RFC3: variants seen among roughly 807,000 people sequenced by gnomAD.
RFC3 encodes A1 38 kDa subunit.
In RFC3, 41 loss-of-function variants were observed where a neutral mutation model predicts 45.1. The ratio of observed to expected loss-of-function variants is 0.91; its 90% confidence interval spans 0.71 to 1.18. The LOEUF (loss-of-function observed/expected upper bound fraction) is 1.18, where lower values mean the gene tolerates loss of function less well. Among genes scored for constraint, RFC3 ranks in the 50% most tolerant of loss-of-function variants. The pLI is 0.00. For synonymous variants in RFC3, 149 were observed against 144.0 expected (o/e 1.03, Z -0.25); for missense variants, 423 against 428.1 (o/e 0.99, Z 0.10).
intron 7 of RFC3, among the ~76,000 whole-genome samples, chr13:33,832,012 A>G (rs2082109592): frequency 6.6e-6 from 1 of 152,204 alleles, no homozygotes; most frequent in Admixed American, 6.5e-5. Context: ...ATTTTTTGAC[A>G]CATTTGCTCA....
intron 3 of RFC3, among the ~76,000 whole-genome samples, chr13:33,824,839 A>G (rs1461821865): frequency 2.0e-4 from 30 of 152,190 alleles, no homozygotes; most frequent in Admixed American, 2.0e-3. Flanking sequence ...TCTCAAAGAA[A>G]ACTAAGAGAA....
intron 1 of RFC3, among the ~76,000 whole-genome samples, chr13:33,819,190 C>T (rs891998823): frequency 6.6e-6 from 1 of 152,188 alleles, no homozygotes; most frequent in African/African-American, 2.4e-5. Context: ...CCGTGCGTGG[C>T]TGAGATTAGA....
chr13:33,921,250 G>A (rs1215790110), intron 8 of RFC3, among the ~76,000 whole-genome samples: 1 of 152,110 alleles, frequency 6.6e-6, no homozygotes, highest in East Asian at 1.9e-4. Context: ...CTATGGCAGC[G>A]GCTAAGTGCT....
chr13:33,837,576 T>C (rs1314317103), downstream of RFC3: 1 of 152,110 alleles, frequency 6.6e-6, no homozygotes, highest in Non-Finnish European at 1.5e-5. Context: ...GGGCATACAA[T>C]ATTGTAAACA....
intron 8 of RFC3, among the ~76,000 whole-genome samples, chr13:33,914,217 A>C (rs1355128875): frequency 6.6e-6 from 1 of 152,098 alleles, no homozygotes; most frequent in Admixed American, 6.6e-5. Flanking sequence ...TTGTTGAGTC[A>C]AGTTTTGGAA....
chr13:33,966,711 G>A (rs1157599865), downstream of RFC3, among the ~76,000 whole-genome samples: 1 of 152,110 alleles, frequency 6.6e-6, no homozygotes, highest in African/African-American at 2.4e-5. Context: ...TTTTGGAAAT[G>A]AGCACTTTGA....
At chr13:33,834,154 C>T (rs1233171123) in intron 7 of RFC3, among the ~76,000 whole-genome samples, 4 of 142,702 alleles carry the variant, frequency 2.8e-5, no homozygotes, top group Admixed American at 1.4e-4. Flanking sequence ...AATGCTAGTT[C>T]TTTTTTTTTT....
At chr13:33,916,641 T>C (rs1045421996) in intron 8 of RFC3, among the ~76,000 whole-genome samples, 1 of 152,174 alleles carries the variant, frequency 6.6e-6, no homozygotes, top group Non-Finnish European at 1.5e-5. Context: ...CACAAATGTA[T>C]GTACGTAGAT....
At chr13:33,951,757 A>G (rs2082992945) in intron 8 of RFC3, among the ~76,000 whole-genome samples, 1 of 152,236 alleles carries the variant, frequency 6.6e-6, no homozygotes, top group Non-Finnish European at 1.5e-5. Flanking sequence ...CAAGTTGACA[A>G]GTCAAAGATA....
chr13:33,850,961 A>T (rs1289697227), intron 8 of RFC3: 1 of 152,158 alleles, frequency 6.6e-6, no homozygotes, highest in East Asian at 1.9e-4. Context: ...TTTTTTCCTC[A>T]CAAAATAAAT....
At chr13:33,863,792 T>C (rs1450138417) in intron 8 of RFC3, among the ~76,000 whole-genome samples, 4 of 152,192 alleles carry the variant, frequency 2.6e-5, no homozygotes, top group Non-Finnish European at 5.9e-5. Flanking sequence ...TTGAGAACCC[T>C]GGGATCTTGC....
At chr13:33,863,547 G>C (rs2082355000) in intron 8 of RFC3, among the ~76,000 whole-genome samples, 1 of 152,156 alleles carries the variant, frequency 6.6e-6, no homozygotes, top group African/African-American at 2.4e-5. Context: ...CATCAGTCTT[G>C]AGTCATTTTA....
rs752450764 is a variant in RFC3 at position 33,836,302 on chromosome 13, T to G, written c.*7T>G. Reference sequence around the variant, plus strand: ...GGAAGGCATGATGTTCTGACTTCTGTCAGTTATTCTTGCAAAGATTTCTCA... The same window carrying G: ...GGAAGGCATGATGTTCTGACTTCTGGCAGTTATTCTTGCAAAGATTTCTCA... On this transcript the variant is annotated 3_prime_UTR_variant, in exon 9 of 9. Transcript: ENST00000380071. 6 of 1,610,654 alleles carry G rather than the reference T, an allele frequency of 3.7e-6. No homozygotes were observed. The African/African-American group carries it at 8.0e-5, about 22-fold the overall frequency.
At chr13:33,938,867 A>T (rs1277191945) in intron 8 of RFC3, among the ~76,000 whole-genome samples, 2 of 152,210 alleles carry the variant, frequency 1.3e-5, no homozygotes, top group Non-Finnish European at 2.9e-5. Flanking sequence ...ATACAAATTT[A>T]CACTCCAACT....
intron 7 of RFC3, among the ~76,000 whole-genome samples, chr13:33,833,789 G>A (rs1653567592): frequency 6.6e-6 from 1 of 152,032 alleles, no homozygotes; most frequent in South Asian, 2.1e-4. Flanking sequence ...ACAGGCTTTT[G>A]AGTCAGGCCT....
At chr13:33,915,910 C>T (rs993316424) in intron 8 of RFC3, among the ~76,000 whole-genome samples, 39 of 152,018 alleles carry the variant, frequency 2.6e-4, no homozygotes, top group South Asian at 4.1e-4. Context: ...GTGATTCTCA[C>T]GCCTCAGCCT....
At chr13:33,821,086 G>A in intron 1 of RFC3, 46 bp from the exon 2 acceptor site, 2 of 1,605,762 alleles carry the variant, frequency 1.2e-6, no homozygotes, top group Non-Finnish European at 1.7e-6. Context: ...TCTACCTAGA[G>A]CAGTTCAGTT....
chr13:33,821,166 A>G lies in RFC3; in HGVS notation c.122A>G (p.Tyr41Cys). ...GGTGACTTTCCTCATCTGTTAGTGT[A>G]CGGACCATCAGGTGCTGGAAAAAAG... is the stretch of plus-strand genomic sequence containing the variant. ...QCGDFPHLLV[Y>C]GPSGAGKKTR... The change falls in exon 2 of 9, where the codon TAC (tyrosine) becomes TGC (cysteine). Residue 41 changes from tyrosine to cysteine, a missense_variant. Coordinates refer to ENST00000380071, the MANE Select transcript of RFC3 (RefSeq NM_002915.4). 6.2e-7 allele frequency: 1 copy of G among 1,613,718 alleles called. No homozygotes were observed. Among genetic ancestry groups the G allele is most frequent in the Middle Eastern group, 1.7e-4 (1 of 6,060 alleles).
rs555754444 is a variant in RFC3, at chr13:33,884,522, G to A, written c.879+49305G>A. On this transcript the variant is annotated intron_variant, in intron 8 of 8. Transcript: ENST00000434425. ...ACCGTCTTCTGAATTGTCTCTGACC[G>A]TCAGAAATATGCTGGAGATGAACTG... is the stretch of plus-strand genomic sequence containing the variant. Among the ~76,000 whole-genome samples, 47 of 152,238 alleles carry A rather than the reference G, an allele frequency of 3.1e-4. 1 individual carries two copies. The South Asian group carries it at 6.6e-3, about 22-fold the overall frequency.
Sources: allele counts gnomAD v4.1 joint callset (sites outside exome capture counted in the v4.1 genomes callset), GRCh38; gene constraint gnomAD v4.1.1; transcripts MANE v1.5; gene names NCBI Gene and HGNC (gene_info 2026-07-23, HGNC 2026-07-21).